The following SDK1 variants were observed in gnomAD, a reference collection of about 807,000 sequenced individuals.
SDK1 encodes the protein protein sidekick-1.
A neutral mutation model predicts 245.5 loss-of-function variants in SDK1; 157 were observed. The observed-to-expected ratio is 0.64, with a 90% confidence interval of 0.56 to 0.73. The LOEUF is 0.73. SDK1 is among the 30% of genes least tolerant of loss of function. The pLI, the probability that SDK1 is intolerant of heterozygous loss-of-function variation, is 0.00. For missense variants in SDK1, 3,583 were observed against 3,002.3 expected (o/e 1.19, Z -4.52); for synonymous variants, 1,647 against 1,278.5 (o/e 1.29, Z -6.15).
At chr7:3,312,445 T>C (rs117801406) in intron 1 of SDK1, among the ~76,000 whole-genome samples, 3 of 152,064 alleles carry the variant, frequency 2.0e-5, no homozygotes, top group Admixed American at 6.6e-5. Flanking sequence ...AGAGATTAAT[T>C]GCTTAAAATT....
chr7:3,435,862 G>T (rs1256918401), intron 1 of SDK1, among the ~76,000 whole-genome samples: 1 of 152,082 alleles, frequency 6.6e-6, no homozygotes, highest in African/African-American at 2.4e-5. Flanking sequence ...TATATTTCCA[G>T]CCCTAACCTC....
intron 35 of SDK1, among the ~76,000 whole-genome samples, chr7:4,191,455 C>T (rs1193927304): frequency 1.3e-5 from 2 of 152,370 alleles, no homozygotes; most frequent in East Asian, 3.9e-4. Context: ...CCTCACCTCT[C>T]ACCATCCTGA....
intron 23 of SDK1, 40 bp downstream of exon 23, chr7:4,110,812 T>G (rs748740369): frequency 7.0e-7 from 1 of 1,435,794 alleles, no homozygotes; most frequent in African/African-American, 1.4e-5. Flanking sequence ...GAGGAAACAC[T>G]GGCAGCCCAG....
At chr7:4,082,330 G>C (rs756748184) in intron 22 of SDK1, among the ~76,000 whole-genome samples, 1 of 152,114 alleles carries the variant, frequency 6.6e-6, no homozygotes, top group Non-Finnish European at 1.5e-5. Context: ...GAGGTTGGGA[G>C]TTCGAGGCCA....
At chr7:4,200,824 G>A (rs1007527483) in intron 35 of SDK1, among the ~76,000 whole-genome samples, 2 of 152,228 alleles carry the variant, frequency 1.3e-5, no homozygotes, top group Non-Finnish European at 2.9e-5. Context: ...TAAGTAACAG[G>A]AAGTGGATCT....
At chr7:3,542,500 C>T (rs1227349996) in intron 1 of SDK1, among the ~76,000 whole-genome samples, 2 of 152,256 alleles carry the variant, frequency 1.3e-5, no homozygotes, top group African/African-American at 2.4e-5. Context: ...AAATGGGAGA[C>T]ATCGTTGTGT....
intron 2 of SDK1, among the ~76,000 whole-genome samples, chr7:3,621,876 C>T (rs113997085): frequency 6.6e-6 from 1 of 152,194 alleles, no homozygotes; most frequent in African/African-American, 2.4e-5. Flanking sequence ...CCCCAACTTA[C>T]GATGGTTCAA....
At chr7:4,240,878 A>AT (rs754870609) in intron 42 of SDK1, among the ~76,000 whole-genome samples, 13 of 152,110 alleles carry the variant, frequency 8.5e-5, no homozygotes, top group Non-Finnish European at 1.2e-4. Context: ...GGAGAGCCCC[A>AT]GGGGGAGAAA....
intron 38 of SDK1, among the ~76,000 whole-genome samples, chr7:4,216,240 T>G (rs1784787221): frequency 6.6e-6 from 1 of 152,092 alleles, no homozygotes; most frequent in African/African-American, 2.4e-5. Flanking sequence ...GCAGGGTGGT[T>G]GACAGAAGGC....
intron 4 of SDK1, among the ~76,000 whole-genome samples, chr7:3,776,527 G>A (rs971856112): frequency 4.6e-5 from 7 of 152,062 alleles, no homozygotes; most frequent in East Asian, 1.9e-4. Flanking sequence ...ATATGTCTTC[G>A]TCACCTATCT....
chr7:3,572,234 T>A (rs80033281), intron 1 of SDK1, among the ~76,000 whole-genome samples: 1 of 152,154 alleles, frequency 6.6e-6, no homozygotes, highest in African/African-American at 2.4e-5. Context: ...ATTTTTTTGG[T>A]CTGTTTCTTT....
At chr7:3,935,204 C>A (rs1402505721) in intron 5 of SDK1, among the ~76,000 whole-genome samples, 1 of 152,146 alleles carries the variant, frequency 6.6e-6, no homozygotes. Flanking sequence ...TGCCACAAAG[C>A]CATATTAACA....
chr7:3,394,140 A>G (rs1781832185), intron 1 of SDK1, among the ~76,000 whole-genome samples: 1 of 151,704 alleles, frequency 6.6e-6, no homozygotes, highest in African/African-American at 2.4e-5. Flanking sequence ...TACCAGACAG[A>G]GATATTGTTC....
chr7:3,620,732 G>A (rs1781911546), intron 2 of SDK1, among the ~76,000 whole-genome samples: 3 of 152,160 alleles, frequency 2.0e-5, no homozygotes. Flanking sequence ...GCTGAGCAGA[G>A]CTGCCCCCAT....
At chr7:4,010,028 C>T (rs892716479) in intron 14 of SDK1, among the ~76,000 whole-genome samples, 1 of 152,212 alleles carries the variant, frequency 6.6e-6, no homozygotes, top group African/African-American at 2.4e-5. Flanking sequence ...GCATGTGCCA[C>T]CTCTTTCTGA....
intron 5 of SDK1, among the ~76,000 whole-genome samples, chr7:3,908,100 C>G (rs989776987): frequency 1.3e-5 from 2 of 152,004 alleles, no homozygotes; most frequent in African/African-American, 2.4e-5. Flanking sequence ...ATTGAGTGCC[C>G]GTAATGTGCT....
chr7:3,811,136 G>A (rs1381215715), intron 4 of SDK1, among the ~76,000 whole-genome samples: 1 of 152,190 alleles, frequency 6.6e-6, no homozygotes, highest in Admixed American at 6.5e-5. Flanking sequence ...TGTAGCTTCT[G>A]AGCCAGCCTC....
intron 1 of SDK1, among the ~76,000 whole-genome samples, chr7:3,564,127 A>T (rs188870847): frequency 6.6e-6 from 1 of 151,812 alleles, no homozygotes; most frequent in East Asian, 1.9e-4. Context: ...CAAGAAAGAT[A>T]AAAAATGAGC....
intron 5 of SDK1, among the ~76,000 whole-genome samples, chr7:3,916,917 G>T (rs571373094): frequency 6.6e-6 from 1 of 152,278 alleles, no homozygotes; most frequent in East Asian, 1.9e-4. Context: ...TCCTGATACA[G>T]GCACAGATGC....
Sources: gnomAD v4.1 joint callset for allele counts (sites outside exome capture counted in the v4.1 genomes callset) on GRCh38, gnomAD v4.1.1 for gene constraint, MANE v1.5 for transcripts, NCBI Gene and HGNC (gene_info 2026-07-23, HGNC 2026-07-21) for gene names.